The following KAZN variants were observed in gnomAD, a reference collection of about 807,000 sequenced individuals.
KAZN encodes kazrin.
A neutral mutation model predicts 87.4 loss-of-function variants in KAZN; 40 were observed. That is an observed-to-expected ratio of 0.46 (90% confidence interval 0.36 to 0.60). The LOEUF (loss-of-function observed/expected upper bound fraction) is 0.60, where lower values mean the gene tolerates loss of function less well. Among genes scored for constraint, KAZN ranks in the 20% least tolerant of loss-of-function variants. The pLI is 0.00. For missense variants in KAZN, 898 were observed against 1,073.9 expected (o/e 0.84, Z 2.29); for synonymous variants, 466 against 458.3 (o/e 1.02, Z -0.22).
chr1:14,357,224 G>T (rs1457243861), intron 2 of KAZN, among the ~76,000 whole-genome samples: 1 of 152,120 alleles, frequency 6.6e-6, no homozygotes, highest in Non-Finnish European at 1.5e-5. Context: ...CTCTCTGTTT[G>T]TCTGTTATTG....
Position 14,567,505 on chromosome 1 carries a change from AG to A in KAZN, c.250-31476del, listed in dbSNP as rs377337288. Among the ~76,000 whole-genome samples the A allele has an allele frequency of 5.7e-3, 864 of 152,318 alleles. 14 individuals carry two copies. Among genetic ancestry groups the A allele is most frequent in the African/African-American group, 0.02 (836 of 41,552 alleles). On this transcript the variant is annotated intron_variant, in intron 2 of 16. Transcript: ENST00000636203. Reference sequence around the variant, plus strand: ...AGCACCAATAGACTTACTCAGCACAAGGTTGCCACAAACCTTGAACTTGTAA... The same window carrying A: ...AGCACCAATAGACTTACTCAGCACAAGTTGCCACAAACCTTGAACTTGTAA...
intron 1 of KAZN, among the ~76,000 whole-genome samples, chr1:14,787,891 C>T (rs1031684804): frequency 2.6e-5 from 4 of 152,132 alleles, no homozygotes; most frequent in African/African-American, 9.7e-5. Context: ...TCAGTAACAA[C>T]TTTGTTATCA....
intron 1 of KAZN, among the ~76,000 whole-genome samples, chr1:14,827,315 C>T (rs948116188): frequency 2.6e-5 from 4 of 152,056 alleles, no homozygotes; most frequent in Admixed American, 6.6e-5. Context: ...TGCATGAGTA[C>T]GTTCTTTAGT....
At chr1:14,144,669 T>C (rs953387142) in intron 1 of KAZN, among the ~76,000 whole-genome samples, 1 of 152,200 alleles carries the variant, frequency 6.6e-6, no homozygotes. Context: ...ACTTGGCTTA[T>C]GATTCTGGTT....
intron 2 of KAZN, among the ~76,000 whole-genome samples, chr1:14,573,628 T>C (rs1461423156): frequency 6.6e-6 from 1 of 152,038 alleles, no homozygotes; most frequent in African/African-American, 2.4e-5. Flanking sequence ...GCCTGCATGA[T>C]ACAGCAAGAC....
intron 1 of KAZN, among the ~76,000 whole-genome samples, chr1:14,698,107 C>T (rs951498212): frequency 6.6e-6 from 1 of 152,206 alleles, no homozygotes; most frequent in Non-Finnish European, 1.5e-5. Flanking sequence ...TTCAGAGTCT[C>T]CTATGCTGTG....
chr1:14,724,321 C>T lies in KAZN; in HGVS notation c.226+125098C>T, dbSNP rs142037967. Among the ~76,000 whole-genome samples, 93 of 152,284 alleles carry T rather than the reference C, an allele frequency of 6.1e-4. 4 individuals are homozygous for T. The East Asian group carries it at 0.017, about 27-fold the overall frequency. On this transcript the variant is annotated intron_variant, in intron 1 of 14. Transcript: ENST00000376030. ...GATGGAAAGATTTTTTCTTCTTATT[C>T]TCTGCACAGTAACCACAATATCGAT...
At chr1:14,122,722 A>G (rs1011212035) in intron 1 of KAZN, among the ~76,000 whole-genome samples, 3 of 152,230 alleles carry the variant, frequency 2.0e-5, no homozygotes, top group Non-Finnish European at 2.9e-5. Flanking sequence ...GGCTGTGAGC[A>G]TTGAAACAGA....
At chr1:15,078,297 C>T (rs781501011) in intron 8 of KAZN, among the ~76,000 whole-genome samples, 2 of 151,908 alleles carry the variant, frequency 1.3e-5, no homozygotes, top group Non-Finnish European at 2.9e-5. Context: ...CACAGCTACT[C>T]GGGGGGCTGA....
chr1:14,579,374 C>G (rs1043850048), intron 2 of KAZN, among the ~76,000 whole-genome samples: 2 of 152,064 alleles, frequency 1.3e-5, no homozygotes, highest in African/African-American at 4.8e-5. Context: ...GCCTGTAATC[C>G]CAGCACTTTG....
chr1:14,050,819 C>T (rs1642297651), intron 1 of KAZN, among the ~76,000 whole-genome samples: 1 of 152,192 alleles, frequency 6.6e-6, no homozygotes, highest in African/African-American at 2.4e-5. Context: ...GAGCTTCCCT[C>T]TAACCTCATG....
intron 2 of KAZN, among the ~76,000 whole-genome samples, chr1:14,483,603 T>C (rs966276163): frequency 6.6e-6 from 1 of 152,250 alleles, no homozygotes; most frequent in African/African-American, 2.4e-5. Flanking sequence ...TTTGCGAAAG[T>C]GTGTCTACAG....
At chr1:14,627,363 G>C (rs1294670549) in intron 1 of KAZN, among the ~76,000 whole-genome samples, 5 of 152,086 alleles carry the variant, frequency 3.3e-5, no homozygotes, top group Non-Finnish European at 5.9e-5. Context: ...AGTCGCCCAG[G>C]AGGTCAATAA....
intron 2 of KAZN, chr1:14,349,052 A>G (rs1658324480): frequency 6.6e-6 from 1 of 152,208 alleles, no homozygotes; most frequent in African/African-American, 2.4e-5. Flanking sequence ...AGAAAACAAA[A>G]AGCATGGTTC....
intron 1 of KAZN, among the ~76,000 whole-genome samples, chr1:14,843,072 G>A (rs574525029): frequency 3.3e-5 from 5 of 152,236 alleles, no homozygotes; most frequent in South Asian, 2.1e-4. Flanking sequence ...TCCCAATACA[G>A]TTGCATCACA....
intron 2 of KAZN, among the ~76,000 whole-genome samples, chr1:14,431,455 T>C (rs1027195213): frequency 6.6e-6 from 1 of 152,190 alleles, no homozygotes; most frequent in Non-Finnish European, 1.5e-5. Context: ...GGACCTGTGA[T>C]GGCTAATGTT....
At chr1:14,366,951 G>C (rs1179586129) in intron 2 of KAZN, among the ~76,000 whole-genome samples, 1 of 152,224 alleles carries the variant, frequency 6.6e-6, no homozygotes. Context: ...AAAATGGCTA[G>C]CCGGGCACAG....
At chr1:14,478,446 T>G (rs1308834920) in intron 2 of KAZN, among the ~76,000 whole-genome samples, 1 of 152,118 alleles carries the variant, frequency 6.6e-6, no homozygotes, top group Non-Finnish European at 1.5e-5. Context: ...TTTGGACACT[T>G]GAGACCCAAT....
chr1:14,295,818 A>G (rs1225508206), intron 2 of KAZN, among the ~76,000 whole-genome samples: 1 of 152,008 alleles, frequency 6.6e-6, no homozygotes, highest in East Asian at 1.9e-4. Context: ...TCTTTCCTTC[A>G]TGTTGCTTAT....
Sources: gnomAD v4.1 joint callset for allele counts (sites outside exome capture counted in the v4.1 genomes callset) on GRCh38, gnomAD v4.1.1 for gene constraint, MANE v1.5 for transcripts, NCBI Gene and HGNC (gene_info 2026-07-23, HGNC 2026-07-21) for gene names.